MDH1B: variants seen among roughly 807,000 people sequenced by gnomAD.
The protein encoded by MDH1B is malate dehydrogenase 1B.
Under a neutral mutation model 61.4 loss-of-function variants are expected in MDH1B, and 60 were observed. That is an observed-to-expected ratio of 0.98 (90% CI 0.79 to 1.21). The LOEUF is 1.21. Ranked by LOEUF, MDH1B falls within the 50% of genes most tolerant of loss-of-function variation. The pLI, the probability that MDH1B is intolerant of heterozygous loss-of-function variation, is 0.00. For missense variants in MDH1B, 587 were observed against 632.1 expected (o/e 0.93, Z 0.76); for synonymous variants, 236 against 218.7 (o/e 1.08, Z -0.70).
chr2:206,762,008 T>C (rs911805220), intron 1 of MDH1B, among the ~76,000 whole-genome samples: 2 of 152,170 alleles, frequency 1.3e-5, no homozygotes, highest in Non-Finnish European at 2.9e-5. Flanking sequence ...TTACTTGCCT[T>C]TTCTGTAGCT....
chr2:206,740,080 A>G (rs1687723451), intron 10 of MDH1B, among the ~76,000 whole-genome samples: 2 of 152,184 alleles, frequency 1.3e-5, no homozygotes, highest in Admixed American at 1.3e-4. Context: ...CTTTAGAAAA[A>G]ATACAATTCT....
rs781224005 is a variant in MDH1B at position 206,746,271 on chromosome 2, T to C, written c.1356+16A>G. 6.2e-7 allele frequency: 1 copy of C among 1,607,272 alleles called. No individual in the cohort carries two copies. The highest frequency in any genetic ancestry group is 8.5e-7 in the Non-Finnish European group (1 of 1,176,830). On this transcript the variant is annotated intron_variant, in intron 8 of 11. Coordinates refer to ENST00000374412, the MANE Select transcript of MDH1B (RefSeq NM_001039845.3). ...CATTATCAAGGTCAGTCCCCTTGCA[T>C]CTATTCTGACATTACCTGAATTAGA... is the stretch of plus-strand genomic sequence containing the variant.
rs752421220 is a variant in MDH1B, at chr2:206,757,048, T to C, written c.271-8A>G. ...GGTGACATCATAGTAAAGCTAAATA[T>C]TGGGAGAGAAAAAGTCAATATCAGA... On this transcript the variant is annotated splice_polypyrimidine_tract_variant and splice_region_variant and intron_variant, in intron 3 of 11. Coordinates refer to ENST00000374412, the MANE Select transcript of MDH1B (RefSeq NM_001039845.3). 6.2e-7 allele frequency: 1 copy of C among 1,610,772 alleles called. No homozygotes were observed. Among genetic ancestry groups the C allele is most frequent in the Non-Finnish European group, 8.5e-7 (1 of 1,178,458 alleles).
Position 206,746,347 on chromosome 2 carries a change from A to G in MDH1B, c.1296T>C (p.Asp432=). Reference sequence around the variant, plus strand: ...GTTCACTTATTTCAACATCTTTGAGATCTGTAAGAACCACCCAAGTTCCAT... The same window carrying G: ...GTTCACTTATTTCAACATCTTTGAGGTCTGTAAGAACCACCCAAGTTCCAT... ...FENGTWVVLT[D]LKDVEISEQI... The change falls in exon 8 of 12, where the codon GAT becomes GAC. Residue 432 remains aspartate (D), a synonymous_variant. Coordinates refer to ENST00000374412, the MANE Select transcript of MDH1B (RefSeq NM_001039845.3). 1 of 1,613,894 alleles carries G rather than the reference A, an allele frequency of 6.2e-7. No homozygotes were observed. The highest frequency in any genetic ancestry group is 8.5e-7 in the Non-Finnish European group (1 of 1,179,920).
At chr2:206,754,710 T>C (rs115839833) in intron 5 of MDH1B, among the ~76,000 whole-genome samples, 6,223 of 152,292 alleles carry the variant, frequency 0.041, 176 homozygotes, top group Non-Finnish European at 0.062. Context: ...GTTATCTTAA[T>C]TGACTATTAC....
In MDH1B at chr2:206,755,105, C is replaced by T; in HGVS notation, c.814G>A (p.Ala272Thr). Residue 272 changes from alanine to threonine, a missense_variant, in exon 5 of 12, where the codon GCC becomes ACC. Transcript: ENST00000374412. ...NLKTVLLMRYAPRIAHNIIAV... is the reference protein window; with the variant it reads ...NLKTVLLMRYTPRIAHNIIAV... The stretch of plus-strand genomic sequence containing the variant: ...ATAATGTTGTGTGCAATGCGTGGGG[C>T]ATATCTCATGAGTAAAACTGTCTTC... 6.2e-7 allele frequency: 1 copy of T among 1,614,242 alleles called. No individual in the cohort carries two copies. The highest frequency in any genetic ancestry group is 8.5e-7 in the Non-Finnish European group (1 of 1,180,036).
At chr2:206,759,833 A>G (rs6716757) in intron 2 of MDH1B, among the ~76,000 whole-genome samples, 59,889 of 152,068 alleles carry the variant, frequency 0.39, 14,671 homozygotes, top group East Asian at 0.76. Context: ...CATTTATTGT[A>G]ACAGAAGCAC....
At position 206,751,043 on chromosome 2, in the gene MDH1B, T is replaced by C. The variant is rs1275307735; in HGVS notation, c.943A>G (p.Ser315Gly). 1.2e-6 allele frequency: 2 copies of C among 1,605,678 alleles called. No homozygotes were observed. Among genetic ancestry groups the C allele is most frequent in the African/African-American group, 1.3e-5 (1 of 74,898 alleles). ...IKDVIIWGNI[S>G]GNNYVDLRKT... ...CTCAGATCAACGTAATTATTTCCAC[T>C]GATATTACCCCAAATGATCACGTCT... is the stretch of plus-strand genomic sequence containing the variant. Residue 315 changes from serine to glycine, a missense_variant, in exon 6 of 12, where the codon AGT (serine) becomes GGT (glycine). By Grantham distance (56) the Ser-to-Gly change is moderately conservative. Transcript: ENST00000374412.
intron 2 of MDH1B, among the ~76,000 whole-genome samples, chr2:206,759,263 C>T (rs945058368): frequency 1.5e-4 from 23 of 152,224 alleles, no homozygotes; most frequent in African/African-American, 4.8e-4. Context: ...TATTACTTTG[C>T]TAAGGATAAT....
At chr2:206,750,135 G>A (rs1688347088) in intron 6 of MDH1B, among the ~76,000 whole-genome samples, 1 of 151,848 alleles carries the variant, frequency 6.6e-6, no homozygotes, top group African/African-American at 2.4e-5. Context: ...GAAAGCAAAG[G>A]GCAATGGAAA....
At chr2:206,740,722 C>T (rs1474934063) in intron 10 of MDH1B, among the ~76,000 whole-genome samples, 1 of 152,092 alleles carries the variant, frequency 6.6e-6, no homozygotes, top group South Asian at 2.1e-4. Context: ...GAGGAAGATG[C>T]TATCTTGCCC....
At chr2:206,743,356 G>A (rs1187003338) in intron 9 of MDH1B, among the ~76,000 whole-genome samples, 1 of 152,114 alleles carries the variant, frequency 6.6e-6, no homozygotes, top group Non-Finnish European at 1.5e-5. Context: ...CTGCCTTCAG[G>A]TCTTTTACAT....
At chr2:206,761,459 T>C (rs1035451609) in intron 1 of MDH1B, among the ~76,000 whole-genome samples, 5 of 152,104 alleles carry the variant, frequency 3.3e-5, no homozygotes, top group South Asian at 4.1e-4. Context: ...GAAAGAAGAA[T>C]CTGGGATAAC....
At chr2:206,761,469 C>T (rs968519785) in intron 1 of MDH1B, among the ~76,000 whole-genome samples, 2 of 152,074 alleles carry the variant, frequency 1.3e-5, no homozygotes, top group African/African-American at 4.8e-5. Flanking sequence ...TCTGGGATAA[C>T]TTCTATTTTC....
intron 5 of MDH1B, 63 bp downstream of exon 5, chr2:206,754,946 T>C: frequency 5.2e-6 from 8 of 1,546,636 alleles, no homozygotes; most frequent in Admixed American, 1.8e-5. Context: ...GTGTTCTTCC[T>C]AGCTGCTTTG....
intron 1 of MDH1B, among the ~76,000 whole-genome samples, chr2:206,762,633 C>G (rs1405300216): frequency 6.6e-6 from 1 of 152,202 alleles, no homozygotes; most frequent in Non-Finnish European, 1.5e-5. Context: ...CCTTTTTGAT[C>G]AAAATATCTT....
At chr2:206,739,079 T>C (rs1251749506) in intron 11 of MDH1B, among the ~76,000 whole-genome samples, 2 of 152,124 alleles carry the variant, frequency 1.3e-5, no homozygotes, top group African/African-American at 4.8e-5. Context: ...CTTATTCATC[T>C]TGAGGGAAGG....
chr2:206,752,371 G>C (rs1490531362), intron 5 of MDH1B, among the ~76,000 whole-genome samples: 1 of 152,190 alleles, frequency 6.6e-6, no homozygotes, highest in Non-Finnish European at 1.5e-5. Flanking sequence ...GCTAGCAGAA[G>C]AGAGCAGGAA....
intron 9 of MDH1B, among the ~76,000 whole-genome samples, chr2:206,743,420 C>T (rs921158078): frequency 1.3e-5 from 2 of 152,118 alleles, no homozygotes; most frequent in Non-Finnish European, 2.9e-5. Flanking sequence ...TCTCATGGTC[C>T]TCTGTCAGTT....
Sources: gnomAD v4.1 joint callset for allele counts (sites outside exome capture counted in the v4.1 genomes callset) on GRCh38, gnomAD v4.1.1 for gene constraint, MANE v1.5 for transcripts, NCBI Gene and HGNC (gene_info 2026-07-23, HGNC 2026-07-21) for gene names.